DOCK11: variants seen among roughly 807,000 people sequenced by gnomAD.
DOCK11 encodes the protein dedicator of cytokinesis 11, also known as dedicator of cytokinesis protein 11.
Under a neutral mutation model 169.1 loss-of-function variants are expected in DOCK11, and 70 were observed. The observed-to-expected ratio is 0.41, with a 90% CI of 0.34 to 0.51. The LOEUF (loss-of-function observed/expected upper bound fraction) is 0.51, where lower values mean the gene tolerates loss of function less well. Ranked by LOEUF, DOCK11 falls within the 20% of genes least tolerant of loss-of-function variation. The pLI, the probability that DOCK11 is intolerant of heterozygous loss-of-function variation, is 0.10. For missense variants in DOCK11, 1,166 were observed against 1,538.8 expected, an observed-to-expected ratio of 0.76 and a Z score of 4.05; for synonymous variants, 529 against 541.3, an observed-to-expected ratio of 0.98 and a Z score of 0.32.
intron 1 of DOCK11, among the ~76,000 whole-genome samples, chrX:118,519,448 G>A (rs2057709546): frequency 8.9e-6 from 1 of 112,080 alleles, no homozygotes; most frequent in East Asian, 2.8e-4. Flanking sequence ...TACTCGGGTG[G>A]TGGAGGCAGG....
rs187941359 is a variant in DOCK11, at chrX:118,539,848, C to T, written c.103-2877C>T. On this transcript the variant is annotated intron_variant, in intron 1 of 52. Coordinates refer to ENST00000276202, the MANE Select transcript of DOCK11 (RefSeq NM_144658.4). ...GGGGGATCACCTGAGCTCAGGAGTT[C>T]GAGACCAGCCTGGCCAACATGGTGA... Among the ~76,000 whole-genome samples, 621 of 108,389 alleles carry T rather than the reference C, an allele frequency of 5.7e-3. 7 individuals are homozygous for T. The highest frequency in any genetic ancestry group is 0.019 in the African/African-American group (576 of 29,758). The allele number at this position is 108,389 out of a possible 115,157, so 94.1% of individuals were successfully genotyped here.
intron 35 of DOCK11, chrX:118,632,321 C>G (rs1446090980): frequency 8.9e-6 from 1 of 112,137 alleles, no homozygotes; most frequent in African/African-American, 3.2e-5. Context: ...CATGCTTGCT[C>G]AGTGGCAGTA....
At chrX:118,630,111 A>G (rs1447541886) in intron 34 of DOCK11, among the ~76,000 whole-genome samples, 1 of 111,434 alleles carries the variant, frequency 9.0e-6, no homozygotes, top group Non-Finnish European at 1.9e-5. Context: ...TTATTTTAAA[A>G]TTTTACCACT....
chrX:118,664,451 T>C (rs1003386061), intron 45 of DOCK11, among the ~76,000 whole-genome samples: 13 of 109,175 alleles, frequency 1.2e-4, no homozygotes, highest in Non-Finnish European at 2.5e-4. Flanking sequence ...AGGTCAGGAG[T>C]TCGAGACCAG....
At chrX:118,537,574 G>C (rs1227180193) in intron 1 of DOCK11, among the ~76,000 whole-genome samples, 1 of 112,027 alleles carries the variant, frequency 8.9e-6, no homozygotes, top group Non-Finnish European at 1.9e-5. Flanking sequence ...AGTCAAATGT[G>C]CTTTTGGATA....
chrX:118,538,840 AATAAT>A (rs1472533602), intron 1 of DOCK11: 2 of 155,744 alleles, frequency 1.3e-5, no homozygotes, highest in Non-Finnish European at 2.2e-5. Flanking sequence ...GTATAAGTCT[AATAAT>A]AGAATGAGAA....
At chrX:118,506,040 C>G (rs765571014) in intron 1 of DOCK11, among the ~76,000 whole-genome samples, 2 of 112,054 alleles carry the variant, frequency 1.8e-5, no homozygotes, top group Admixed American at 1.9e-4. Flanking sequence ...ATTGCTTGAG[C>G]CTGGGAGTTC....
intron 6 of DOCK11, among the ~76,000 whole-genome samples, chrX:118,546,894 G>GTGGGAGAATACCTTGAGCC (rs369696581): frequency 6.3e-5 from 7 of 111,904 alleles, no homozygotes; most frequent in African/African-American, 2.3e-4. Context: ...GGAGACTGAG[G>GTGGGAGAATACCTTGAGCC]TGGGAGAATC....
intron 23 of DOCK11, among the ~76,000 whole-genome samples, chrX:118,604,399 G>A (rs1235018330): frequency 9.0e-6 from 1 of 110,994 alleles, no homozygotes; most frequent in Non-Finnish European, 1.9e-5. Context: ...CAAAAGTCAG[G>A]GAATCTGGGA....
chrX:118,666,780 A>G (rs1262725927), intron 45 of DOCK11, among the ~76,000 whole-genome samples: 2 of 111,868 alleles, frequency 1.8e-5, no homozygotes, highest in South Asian at 7.3e-4. Flanking sequence ...ACTTTTAAGA[A>G]ATTTCCGAAG....
intron 23 of DOCK11, among the ~76,000 whole-genome samples, chrX:118,605,001 T>TTA (rs1411154478): frequency 8.9e-6 from 1 of 111,959 alleles, no homozygotes; most frequent in Non-Finnish European, 1.9e-5. Context: ...TTTATCCAAA[T>TTA]TATACTTATT....
intron 23 of DOCK11, among the ~76,000 whole-genome samples, chrX:118,603,414 A>T (rs1421305013): frequency 8.0e-5 from 9 of 112,399 alleles, no homozygotes; most frequent in Non-Finnish European, 1.3e-4. Flanking sequence ...TCTGGCTGTC[A>T]TGTTGAGAAT....
chrX:118,536,732 T>G (rs1393420623), intron 1 of DOCK11, among the ~76,000 whole-genome samples: 1 of 111,692 alleles, frequency 9.0e-6, no homozygotes, highest in Non-Finnish European at 1.9e-5. Flanking sequence ...GACTGTGAAC[T>G]TCTCAAGGGC....
At chrX:118,647,486 A>AT (rs1268429893) in intron 40 of DOCK11, among the ~76,000 whole-genome samples, 1 of 75,160 alleles carries the variant, frequency 1.3e-5, no homozygotes, top group Non-Finnish European at 2.4e-5. Context: ...TATATATATT[A>AT]TATTATTATA....
chrX:118,677,076 A>G (rs2016628909), intron 48 of DOCK11, among the ~76,000 whole-genome samples: 1 of 112,209 alleles, frequency 8.9e-6, no homozygotes, highest in Non-Finnish European at 1.9e-5. Context: ...TTCCTGGTAC[A>G]TAAAAAGCAT....
At position 118,516,004 on chromosome X, in the gene DOCK11, A is replaced by AATATAT. The variant is rs1191968312; in HGVS notation, c.102+19941_102+19946dup. On this transcript the variant is annotated intron_variant, in intron 1 of 52. Coordinates refer to ENST00000276202, the MANE Select transcript of DOCK11 (RefSeq NM_144658.4). ...ATGTTCAAAAGTAAGGATTTGGGCA[A>AATATAT]ATATATATATATATACATTCTTACA... Among the ~76,000 whole-genome samples the AATATAT allele has an allele frequency of 3.8e-4, 17 of 44,944 alleles. 1 individual carries two copies. Among genetic ancestry groups the AATATAT allele is most frequent in the East Asian group, 7.2e-4 (1 of 1,389 alleles). The allele number at this position is 44,944 out of a possible 115,157, so 39.0% of individuals were successfully genotyped here.
chrX:118,560,931 A>G (rs1423720488), intron 6 of DOCK11, among the ~76,000 whole-genome samples: 1 of 112,024 alleles, frequency 8.9e-6, no homozygotes, highest in Non-Finnish European at 1.9e-5. Flanking sequence ...ACAGTGGTAC[A>G]GTGTAGATGA....
chrX:118,648,029 T>G (rs1404655869), intron 40 of DOCK11, among the ~76,000 whole-genome samples: 1 of 49,289 alleles, frequency 2.0e-5, no homozygotes, highest in East Asian at 4.8e-4. Flanking sequence ...TAAATTATAA[T>G]ATTATATAAT....
intron 40 of DOCK11, among the ~76,000 whole-genome samples, 164 bp downstream of exon 40, chrX:118,643,758 G>A (rs2015589034): frequency 9.0e-6 from 1 of 111,300 alleles, no homozygotes; most frequent in Non-Finnish European, 1.9e-5. Context: ...CACACAGAGG[G>A]CCTACCATGA....
Sources: allele counts gnomAD v4.1 joint callset (sites outside exome capture counted in the v4.1 genomes callset), GRCh38; gene constraint gnomAD v4.1.1; transcripts MANE v1.5; gene names NCBI Gene and HGNC (gene_info 2026-07-23, HGNC 2026-07-21).